Variants in ZNF136 observed in about 807,000 individuals in gnomAD.
ZNF136 encodes the protein zinc finger protein 136.
A neutral mutation model predicts 11.4 loss-of-function variants in ZNF136; 8 were observed. The ratio of observed to expected loss-of-function variants is 0.70; its 90% CI spans 0.41 to 1.27. The LOEUF is 1.27. Ranked by LOEUF, ZNF136 falls within the 50% of genes most tolerant of loss-of-function variation. The probability of loss-of-function intolerance (pLI) is 0.01; values close to 1 mark genes in which losing one functional copy is unlikely to be tolerated. For synonymous variants in ZNF136, 190 were observed against 207.1 expected, an observed-to-expected ratio of 0.92 and a Z score of 0.71; for missense variants, 590 against 656.5, an observed-to-expected ratio of 0.90 and a Z score of 1.11.
At position 12,186,854 on chromosome 19, in the gene ZNF136, A is replaced by G; in HGVS notation, c.476A>G (p.Glu159Gly). The change falls in exon 4 of 4, where the codon GAG (glutamate) becomes GGG (glycine). Residue 159 changes from glutamate (E) to glycine (G), a missense_variant. By Grantham distance (98) the Glu-to-Gly change is moderately conservative. Coordinates refer to ENST00000343979, the MANE Select transcript of ZNF136 (RefSeq NM_003437.5). ...FSSHHSFRTH[E>G]IIHTGEKLYD... is the part of the protein sequence containing the mutation. ...TCTCACCACTCCTTTCGAACACATG[A>G]GATAATTCACACTGGAGAGAAACTC... 1 of 1,614,146 alleles carries G rather than the reference A, an allele frequency of 6.2e-7. No individual in the cohort carries two copies. Among genetic ancestry groups the G allele is most frequent in the South Asian group, 1.1e-5 (1 of 91,084 alleles).
chr19:12,171,966 TTCTC>T (rs138770038), intron 1 of ZNF136, among the ~76,000 whole-genome samples: 13,187 of 144,912 alleles, frequency 0.091, 471 homozygotes, highest in African/African-American at 0.12. Context: ...ATTTTTTATT[TTCTC>T]TCTCTCTCTT....
intron 1 of ZNF136, among the ~76,000 whole-genome samples, chr19:12,168,744 C>T (rs914966867): frequency 1.3e-5 from 2 of 151,850 alleles, no homozygotes; most frequent in African/African-American, 2.4e-5. Context: ...GGCAGGATCT[C>T]GGCTTCCTGC....
chr19:12,181,544 C>T (rs552876850), intron 1 of ZNF136, among the ~76,000 whole-genome samples: 2 of 151,796 alleles, frequency 1.3e-5, no homozygotes, highest in African/African-American at 4.8e-5. Flanking sequence ...GCAATCTCCA[C>T]TCACTGCAAT....
chr19:12,175,271 C>T lies in ZNF136; in HGVS notation c.4-10514C>T, dbSNP rs146700429. On this transcript the variant is annotated intron_variant, in intron 1 of 3. Transcript: ENST00000343979. ...GTGCAGTGATGCTATCTTGGCTCAC[C>T]GCAACCTCCACCTCCTGGGCTGAAA... Among the ~76,000 whole-genome samples, 12 of 151,886 alleles carry T rather than the reference C, an allele frequency of 7.9e-5. No homozygotes were observed. In the East Asian group the frequency reaches 1.4e-3, roughly 17 times the overall value.
At chr19:12,182,247 C>G (rs1334824238) in intron 1 of ZNF136, among the ~76,000 whole-genome samples, 2 of 151,896 alleles carry the variant, frequency 1.3e-5, no homozygotes, top group East Asian at 1.9e-4. Context: ...AGCTTTGTGT[C>G]TCTCTTTTAT....
intron 1 of ZNF136, among the ~76,000 whole-genome samples, chr19:12,172,507 A>C (rs925483148): frequency 6.6e-6 from 1 of 151,886 alleles, no homozygotes; most frequent in African/African-American, 2.4e-5. Flanking sequence ...ATCTTGTCTG[A>C]CCATTGTCAG....
intron 2 of ZNF136, 44 bp from the exon 3 acceptor site, chr19:12,186,070 A>G (rs768171844): frequency 1.5e-5 from 24 of 1,592,266 alleles, no homozygotes; most frequent in Non-Finnish European, 1.9e-5. Context: ...TAATTTTTCT[A>G]TAATTTTGCA....
intron 1 of ZNF136, among the ~76,000 whole-genome samples, chr19:12,182,056 G>A (rs952307137): frequency 1.3e-5 from 2 of 151,890 alleles, no homozygotes; most frequent in African/African-American, 4.9e-5. Context: ...ACAGGTGTGA[G>A]TCACCATGCC....
At chr19:12,167,084 A>G (rs1977197250) in intron 1 of ZNF136, among the ~76,000 whole-genome samples, 1 of 152,216 alleles carries the variant, frequency 6.6e-6, no homozygotes, top group South Asian at 2.1e-4. Context: ...TCAGACCTAG[A>G]TCAGAACATG....
intron 1 of ZNF136, among the ~76,000 whole-genome samples, chr19:12,166,920 A>G (rs538658304): frequency 2.0e-5 from 3 of 152,308 alleles, no homozygotes; most frequent in African/African-American, 7.2e-5. Flanking sequence ...ACTGAGGCCA[A>G]TCCAAAGGAG....
rs1915207062 is a variant in ZNF136, at chr19:12,189,699, A to G, written c.*1698A>G. On this transcript the variant is annotated 3_prime_UTR_variant, in exon 4 of 4. Transcript: ENST00000343979. ...AAATAATTTTATTTTGCTTCCTATTAAAGAGTTGTTGTTAATTCTAAGTAT... is the reference window on the plus strand; with the variant it reads ...AAATAATTTTATTTTGCTTCCTATTGAAGAGTTGTTGTTAATTCTAAGTAT... 6.6e-6 allele frequency: 1 copy of G among 151,976 alleles called. No homozygotes were observed. Among genetic ancestry groups the G allele is most frequent in the Non-Finnish European group, 1.5e-5 (1 of 68,006 alleles). The allele number at this position is 151,976 out of a possible 1,614,324, so 9.4% of individuals were successfully genotyped here. A position where few individuals can be genotyped will look rare whatever the true frequency, so the allele number is the denominator to read the frequency against.
chr19:12,175,055 G>A (rs1003747410), intron 1 of ZNF136, among the ~76,000 whole-genome samples: 15 of 151,628 alleles, frequency 9.9e-5, no homozygotes, highest in East Asian at 2.0e-4. Flanking sequence ...ACAGTGTTTC[G>A]CCATATTGAC....
chr19:12,173,761 C>T (rs1914718838), intron 1 of ZNF136, among the ~76,000 whole-genome samples: 1 of 152,148 alleles, frequency 6.6e-6, no homozygotes, highest in South Asian at 2.1e-4. Flanking sequence ...CTGGTCTTGC[C>T]ACTGCTGTCG....
At position 12,187,353 on chromosome 19, in the gene ZNF136, A is replaced by C; in HGVS notation, c.975A>C (p.Leu325=). The C allele has an allele frequency of 6.2e-7, 1 of 1,614,118 alleles. No homozygotes were observed. The highest frequency in any genetic ancestry group is 1.6e-4 in the Middle Eastern group (1 of 6,062). Residue 325 remains leucine (L), a synonymous_variant, in exon 4 of 4, where the codon CTA becomes CTC. Coordinates refer to ENST00000343979, the MANE Select transcript of ZNF136 (RefSeq NM_003437.5). ...KAFSYLPSLR[L]HERIHTGEKP... Reference sequence around the variant, plus strand: ...TCAGTTATCTCCCCTCCCTTCGACTACATGAAAGAATTCACACTGGTGAGA... The same window carrying C: ...TCAGTTATCTCCCCTCCCTTCGACTCCATGAAAGAATTCACACTGGTGAGA...
At position 12,186,610 on chromosome 19, in the gene ZNF136, A is replaced by G. The variant is rs745399358; in HGVS notation, c.232A>G (p.Ser78Gly). 1.5e-5 allele frequency: 24 copies of G among 1,613,944 alleles called. No homozygotes were observed. In the African/African-American group the frequency reaches 1.9e-4, roughly 13 times the overall value. The change falls in exon 4 of 4, where the codon AGT (serine) becomes GGT (glycine). Residue 78 changes from serine to glycine, a missense_variant. By Grantham distance (56) the Ser-to-Gly change is moderately conservative. Coordinates refer to ENST00000343979, the MANE Select transcript of ZNF136 (RefSeq NM_003437.5). ...LERLYQTKDGSQRGGIFSQFA... is the reference protein window; with the variant it reads ...LERLYQTKDGGQRGGIFSQFA... ...AAGACTCTATCAAACTAAGGATGGT[A>G]GTCAGCGTGGAGGAATTTTTAGCCA...
intron 1 of ZNF136, among the ~76,000 whole-genome samples, chr19:12,164,179 C>T (rs1327263702): frequency 6.6e-6 from 1 of 152,140 alleles, no homozygotes; most frequent in African/African-American, 2.4e-5. Flanking sequence ...CCTCTGGGGG[C>T]ACTCAGCTTT....
intron 1 of ZNF136, among the ~76,000 whole-genome samples, chr19:12,176,267 G>A (rs946678652): frequency 6.6e-6 from 1 of 152,148 alleles, no homozygotes; most frequent in African/African-American, 2.4e-5. Context: ...TCAAGTGAAT[G>A]TGGGCCTATG....
chr19:12,179,088 C>T (rs1599457045), intron 1 of ZNF136, among the ~76,000 whole-genome samples: 1 of 151,050 alleles, frequency 6.6e-6, no homozygotes, highest in South Asian at 2.1e-4. Context: ...CATAAATTTT[C>T]ATTTTCATGC....
chr19:12,166,575 AC>A (rs1345044267), intron 1 of ZNF136, among the ~76,000 whole-genome samples: 2 of 152,216 alleles, frequency 1.3e-5, no homozygotes, highest in Non-Finnish European at 2.9e-5. Flanking sequence ...TGTTATTGGA[AC>A]TTAGCAGATT....
Sources: allele counts gnomAD v4.1 joint callset (sites outside exome capture counted in the v4.1 genomes callset), GRCh38; gene constraint gnomAD v4.1.1; transcripts MANE v1.5; gene names NCBI Gene and HGNC (gene_info 2026-07-23, HGNC 2026-07-21).